The following PDE11A variants were observed in gnomAD, a reference collection of about 807,000 sequenced individuals.
PDE11A encodes the protein phosphodiesterase 11A, also known as dual 3',5'-cyclic-AMP and -GMP phosphodiesterase 11A.
PDE11A carries 100 observed loss-of-function variants against 100.5 expected under a neutral mutation model. The observed-to-expected ratio is 1.00, with a 90% CI of 0.85 to 1.18. The LOEUF (loss-of-function observed/expected upper bound fraction) is 1.18, where lower values mean the gene tolerates loss of function less well. PDE11A is among the 50% of genes most tolerant of loss of function. The pLI, the probability that PDE11A is intolerant of heterozygous loss-of-function variation, is 0.00. For synonymous variants in PDE11A, 381 were observed against 420.8 expected (o/e 0.91, Z 1.16); for missense variants, 1,141 against 1,152.6 (o/e 0.99, Z 0.15).
chr2:177,923,029 T>C (rs1243233971), intron 2 of PDE11A, among the ~76,000 whole-genome samples: 1 of 150,538 alleles, frequency 6.6e-6, no homozygotes, highest in Non-Finnish European at 1.5e-5. Flanking sequence ...TGCTCTACCA[T>C]TGTCTCTCTG....
intron 19 of PDE11A, among the ~76,000 whole-genome samples, chr2:177,647,931 T>C (rs1022606016): frequency 6.6e-6 from 1 of 152,032 alleles, no homozygotes; most frequent in Non-Finnish European, 1.5e-5. Context: ...GACAACACAT[T>C]GAAACCCTGT....
intron 2 of PDE11A, chr2:177,998,825 C>T: frequency 1.5e-6 from 1 of 657,072 alleles, no homozygotes; most frequent in Middle Eastern, 4.4e-4. Flanking sequence ...GCCGGCACCA[C>T]TGCCACCTCA....
At chr2:177,738,710 G>A (rs2081829970) in intron 10 of PDE11A, among the ~76,000 whole-genome samples, 1 of 152,224 alleles carries the variant, frequency 6.6e-6, no homozygotes, top group African/African-American at 2.4e-5. Context: ...ACCAGAGAGA[G>A]GGAGGGCACA....
At chr2:177,835,843 G>A (rs1014454205) in intron 6 of PDE11A, among the ~76,000 whole-genome samples, 3 of 152,198 alleles carry the variant, frequency 2.0e-5, no homozygotes, top group Non-Finnish European at 4.4e-5. Context: ...GGTGTGCTGG[G>A]TCCCCCAGCA....
At chr2:177,854,273 A>G (rs1003401025) in intron 5 of PDE11A, among the ~76,000 whole-genome samples, 1 of 152,042 alleles carries the variant, frequency 6.6e-6, no homozygotes, top group Non-Finnish European at 1.5e-5. Flanking sequence ...GTCTGAAATA[A>G]ATAGGGGTAA....
chr2:177,866,896 G>T (rs1021365901), intron 5 of PDE11A, among the ~76,000 whole-genome samples: 2 of 152,234 alleles, frequency 1.3e-5, no homozygotes, highest in Non-Finnish European at 2.9e-5. Context: ...ATCAGACAAG[G>T]CCTGTAAGTC....
chr2:178,072,344 G>C lies in PDE11A; in HGVS notation c.94C>G (p.Gln32Glu). 3.1e-6 allele frequency: 5 copies of C among 1,614,132 alleles called. No individual in the cohort carries two copies. The highest frequency in any genetic ancestry group is 4.2e-6 in the Non-Finnish European group (5 of 1,180,044). The part of the protein sequence containing the change: ...FEDYLMRKGK[Q>E]EMVEKWLQRH... ...TGCAGCCACTTTTCAACCATCTCCT[G>C]CTTCCCCTTCCGCATCAAGTAATCT... Residue 32 changes from glutamine to glutamate, a missense_variant, in exon 1 of 20, where the codon CAG (glutamine) becomes GAG (glutamate). Coordinates refer to ENST00000286063, the MANE Select transcript of PDE11A (RefSeq NM_016953.4).
At chr2:177,850,407 T>C (rs2083680753) in intron 5 of PDE11A, among the ~76,000 whole-genome samples, 3 of 152,136 alleles carry the variant, frequency 2.0e-5, no homozygotes, top group Admixed American at 2.0e-4. Flanking sequence ...AAGACTTAAA[T>C]GTTAGACCTA....
intron 2 of PDE11A, among the ~76,000 whole-genome samples, chr2:177,996,111 C>T (rs1383983470): frequency 3.3e-5 from 5 of 151,942 alleles, no homozygotes; most frequent in Non-Finnish European, 7.4e-5. Flanking sequence ...CCCATAATCC[C>T]AGCTACTTGG....
chr2:177,880,222 A>G (rs963649499), intron 4 of PDE11A, among the ~76,000 whole-genome samples: 3 of 152,210 alleles, frequency 2.0e-5, no homozygotes, highest in Non-Finnish European at 4.4e-5. Flanking sequence ...TGCAAAGAGT[A>G]ACAGTGTGAT....
chr2:177,793,526 A>G (rs1429285964), intron 9 of PDE11A, among the ~76,000 whole-genome samples: 1 of 126,622 alleles, frequency 7.9e-6, no homozygotes, highest in Non-Finnish European at 1.6e-5. Flanking sequence ...GAGACAATAC[A>G]CAGGGATCTG....
intron 1 of PDE11A, among the ~76,000 whole-genome samples, chr2:178,040,588 A>T (rs1223848643): frequency 6.6e-6 from 1 of 152,210 alleles, no homozygotes; most frequent in East Asian, 1.9e-4. Flanking sequence ...ATTTAGCAAC[A>T]TGAGCAGTTA....
At chr2:178,055,570 T>C (rs1044622434) in intron 1 of PDE11A, among the ~76,000 whole-genome samples, 1 of 152,070 alleles carries the variant, frequency 6.6e-6, no homozygotes, top group Non-Finnish European at 1.5e-5. Context: ...TCACTTGTAG[T>C]TCCAAATGCA....
intron 1 of PDE11A, 54 bp downstream of exon 1, chr2:178,071,472 C>G: frequency 6.2e-7 from 1 of 1,610,516 alleles, no homozygotes; most frequent in South Asian, 1.1e-5. Flanking sequence ...TAACCGAAGG[C>G]TTATCTCCCA....
intron 5 of PDE11A, among the ~76,000 whole-genome samples, chr2:177,844,520 T>A (rs2083547892): frequency 6.6e-6 from 1 of 151,332 alleles, no homozygotes; most frequent in African/African-American, 2.4e-5. Context: ...GGAATTCCTT[T>A]TTTTTTTTTA....
chr2:178,046,668 T>C (rs926705572), intron 1 of PDE11A, among the ~76,000 whole-genome samples: 1 of 152,200 alleles, frequency 6.6e-6, no homozygotes, highest in African/African-American at 2.4e-5. Context: ...TAAACATGGT[T>C]GGCTTTTGGC....
intron 1 of PDE11A, among the ~76,000 whole-genome samples, chr2:178,015,541 C>T (rs982537690): frequency 2.0e-5 from 3 of 152,040 alleles, no homozygotes; most frequent in East Asian, 1.9e-4. Flanking sequence ...CTAGAAATTC[C>T]GAAAATTCCA....
At chr2:177,683,422 C>G (rs1381952277) in intron 15 of PDE11A, 2 of 152,240 alleles carry the variant, frequency 1.3e-5, no homozygotes, top group Admixed American at 1.3e-4. Flanking sequence ...GACCCATTCC[C>G]TTCTTCATGA....
chr2:178,033,398 T>C (rs1336337210), intron 1 of PDE11A, among the ~76,000 whole-genome samples: 1 of 152,108 alleles, frequency 6.6e-6, no homozygotes, highest in Non-Finnish European at 1.5e-5. Context: ...TATGGGACTA[T>C]GTGAAAGGAC....
Sources: allele counts gnomAD v4.1 joint callset (sites outside exome capture counted in the v4.1 genomes callset), GRCh38; gene constraint gnomAD v4.1.1; transcripts MANE v1.5; gene names NCBI Gene and HGNC (gene_info 2026-07-23, HGNC 2026-07-21).